Variants in UBE2G2 observed in about 807,000 individuals in gnomAD.
UBE2G2 encodes the protein ubiquitin-conjugating enzyme E2 G2.
A neutral mutation model predicts 23.0 loss-of-function variants in UBE2G2; 10 were observed. The ratio of observed to expected loss-of-function variants is 0.43; its 90% CI spans 0.27 to 0.74. The LOEUF (loss-of-function observed/expected upper bound fraction) is 0.74. UBE2G2 is among the 30% of genes least tolerant of loss of function. UBE2G2 has a pLI of 0.19. For missense variants in UBE2G2, 150 were observed against 218.3 expected (o/e 0.69, Z 1.97); for synonymous variants, 86 against 81.3 (o/e 1.06, Z -0.31).
intron 3 of UBE2G2, 148 bp from the exon 4 acceptor site, chr21:44,777,565 T>C (rs1362037226): frequency 2.7e-6 from 2 of 738,784 alleles, no homozygotes; most frequent in African/African-American, 1.8e-5. Flanking sequence ...CCCAGCACTT[T>C]GGAAGGCCGA....
chr21:44,777,286 CA>C lies in UBE2G2; in HGVS notation c.244+12del. The C allele has an allele frequency of 6.2e-7, 1 of 1,611,856 alleles. No individual in the cohort carries two copies. Among genetic ancestry groups the C allele is most frequent in the East Asian group, 2.2e-5 (1 of 44,862 alleles). On this transcript the variant is annotated intron_variant, in intron 4 of 5. Transcript: ENST00000345496. ...ATCCTGGTACCACAAAAACTACTTC[CA>C]AAAGCACTTACTGTTGGGATGAAAC...
rs377014287 is a variant in UBE2G2, at chr21:44,797,363, G to A, written c.43+4343C>T. Reference sequence around the variant, plus strand: ...TGCAAGTTCAACAATGCAAAGACTGGCCTGAAGCAGCAGCCTGAACTTAAT... The same window carrying A: ...TGCAAGTTCAACAATGCAAAGACTGACCTGAAGCAGCAGCCTGAACTTAAT... On this transcript the variant is annotated intron_variant, in intron 1 of 5. Coordinates refer to ENST00000345496, the MANE Select transcript of UBE2G2 (RefSeq NM_003343.6). 9.2e-5 allele frequency among the ~76,000 whole-genome samples: 14 copies of A among 152,314 alleles called. No homozygotes were observed. In the East Asian group the frequency reaches 2.3e-3, roughly 25 times the overall value.
rs2082854040 is a variant in UBE2G2 at position 44,769,380 on chromosome 21, T to A, written c.*1997A>T. On this transcript the variant is annotated 3_prime_UTR_variant, in exon 6 of 6. Transcript: ENST00000345496. ...TACGAGTTCTTGCCCTGCGTTCCAT[T>A]TTTTTTTTTTTTTTTTTTGAGACAG... 6.9e-6 allele frequency: 1 copy of A among 145,346 alleles called. No individual in the cohort carries two copies. The highest frequency in any genetic ancestry group is 1.5e-5 in the Non-Finnish European group (1 of 66,254). 9.0% of individuals were successfully genotyped at this position (145,346 alleles called of 1,614,324 possible). A position where few individuals can be genotyped will look rare whatever the true frequency, so the allele number is the denominator to read the frequency against.
At position 44,769,378 on chromosome 21, in the gene UBE2G2, ATTTTTTTTT is replaced by A. The variant is rs35406176; in HGVS notation, c.*1990_*1998del. 8.5e-6 allele frequency: 1 copy of A among 117,498 alleles called. No individual in the cohort carries two copies. Among genetic ancestry groups the A allele is most frequent in the Non-Finnish European group, 1.7e-5 (1 of 58,716 alleles). 7.3% of individuals were successfully genotyped at this position (117,498 alleles called of 1,614,324 possible). ...AATACGAGTTCTTGCCCTGCGTTCC[ATTTTTTTTT>A]TTTTTTTTTTTGAGACAGAGTCTCA... On this transcript the variant is annotated 3_prime_UTR_variant, in exon 6 of 6. Transcript: ENST00000345496.
intron 3 of UBE2G2, among the ~76,000 whole-genome samples, chr21:44,785,500 A>G (rs2082989320): frequency 6.6e-6 from 1 of 152,220 alleles, no homozygotes; most frequent in South Asian, 2.1e-4. Context: ...TGTTGCTTAG[A>G]TATCTAAAAT....
At chr21:44,780,326 C>T (rs2082946431) in intron 3 of UBE2G2, among the ~76,000 whole-genome samples, 1 of 152,226 alleles carries the variant, frequency 6.6e-6, no homozygotes, top group Non-Finnish European at 1.5e-5. Flanking sequence ...AGGCAACTCC[C>T]GAGCCAGGAG....
intron 1 of UBE2G2, among the ~76,000 whole-genome samples, chr21:44,797,714 C>CAAAAAAAAAAA (rs60369865): frequency 7.6e-5 from 3 of 39,320 alleles, no homozygotes; most frequent in African/African-American, 3.4e-4. Flanking sequence ...AACTCCGTCT[C>CAAAAAAAAAAA]AAAAAAAAAA....
intron 1 of UBE2G2, 193 bp downstream of exon 1, chr21:44,801,513 T>G (rs782196701): frequency 1.6e-5 from 17 of 1,092,228 alleles, no homozygotes; most frequent in Non-Finnish European, 2.0e-5. Flanking sequence ...GGAAGGCTTC[T>G]CTTCACGACT....
chr21:44,785,470 T>C (rs952855607), intron 3 of UBE2G2, among the ~76,000 whole-genome samples: 3 of 152,220 alleles, frequency 2.0e-5, no homozygotes, highest in Admixed American at 6.5e-5. Context: ...GGCCCTAACA[T>C]ATCAAAGGCA....
intron 3 of UBE2G2, among the ~76,000 whole-genome samples, chr21:44,782,638 T>C (rs1319669523): frequency 1.3e-5 from 2 of 152,188 alleles, no homozygotes; most frequent in Non-Finnish European, 2.9e-5. Context: ...AATCCTTGCA[T>C]TTATAGTCAA....
intron 4 of UBE2G2, chr21:44,774,668 T>G (rs901530927): frequency 9.2e-5 from 42 of 455,274 alleles, no homozygotes; most frequent in Admixed American, 7.3e-4. Flanking sequence ...ATCCAGGAAC[T>G]GAACCACAAC....
intron 1 of UBE2G2, among the ~76,000 whole-genome samples, chr21:44,799,551 C>T (rs2083119097): frequency 6.6e-6 from 1 of 152,232 alleles, no homozygotes; most frequent in South Asian, 2.1e-4. Context: ...TTTTCTTCTG[C>T]AGCTTCCTCA....
At chr21:44,781,220 G>A (rs1434217086) in intron 3 of UBE2G2, among the ~76,000 whole-genome samples, 1 of 152,234 alleles carries the variant, frequency 6.6e-6, no homozygotes, top group African/African-American at 2.4e-5. Flanking sequence ...CTGAGCTGGA[G>A]ACGGGAAGGG....
chr21:44,792,023 C>T (rs1450140593), intron 1 of UBE2G2, among the ~76,000 whole-genome samples: 1 of 152,234 alleles, frequency 6.6e-6, no homozygotes, highest in Non-Finnish European at 1.5e-5. Flanking sequence ...TTCGGACTTG[C>T]ATGGGGGCCT....
chr21:44,795,588 C>T (rs13433413), intron 1 of UBE2G2, among the ~76,000 whole-genome samples: 30,883 of 151,328 alleles, frequency 0.2, 4,275 homozygotes, highest in East Asian at 0.57. Context: ...GCCATGACTA[C>T]ACCACTGCAC....
Position 44,792,209 on chromosome 21 carries a change from C to T in UBE2G2, c.44-4114G>A, listed in dbSNP as rs971453110. Among the ~76,000 whole-genome samples the T allele has an allele frequency of 3.3e-5, 5 of 152,032 alleles. No homozygotes were observed. In the South Asian group the frequency reaches 6.2e-4, roughly 19 times the overall value. ...TGGACTTGGACTTTTGAGTTAATGACGAAATGAGTTAAGACTTTGGGGGCC... is the reference window on the plus strand; with the variant it reads ...TGGACTTGGACTTTTGAGTTAATGATGAAATGAGTTAAGACTTTGGGGGCC... On this transcript the variant is annotated intron_variant, in intron 1 of 5. Transcript: ENST00000345496.
rs143645570 is a variant in UBE2G2 at position 44,771,659 on chromosome 21, C to T, written c.386-170G>A. 5.8e-4 allele frequency among the ~76,000 whole-genome samples: 89 copies of T among 152,254 alleles called. 1 individual carries two copies. Among genetic ancestry groups the T allele is most frequent in the African/African-American group, 1.3e-3 (53 of 41,524 alleles). On this transcript the variant is annotated intron_variant, in intron 5 of 5. Transcript: ENST00000345496. This position sits in a 1 kb window ranked among gnomAD's most constrained non-coding sequence, Gnocchi z 4.6. The stretch of plus-strand genomic sequence containing the variant: ...GGCCCCACCTCTAGAGTGCTGGCCA[C>T]GCAGGTCTCAACGAAAGCCACTCTC...
chr21:44,794,274 T>C (rs2083067925), intron 1 of UBE2G2, among the ~76,000 whole-genome samples: 1 of 152,226 alleles, frequency 6.6e-6, no homozygotes, highest in South Asian at 2.1e-4. Context: ...GCAAACACAG[T>C]GCTGAAACAA....
At chr21:44,787,484 A>G (rs1555962257) in intron 3 of UBE2G2, among the ~76,000 whole-genome samples, 2 of 152,206 alleles carry the variant, frequency 1.3e-5, no homozygotes, top group African/African-American at 4.8e-5. Context: ...GTCCTGGCCC[A>G]AAGGCAGGGC....
Sources: gnomAD v4.1 joint callset for allele counts (sites outside exome capture counted in the v4.1 genomes callset) on GRCh38, gnomAD v4.1.1 for gene constraint, Gnocchi (gnomAD v3.1) non-coding constraint, MANE v1.5 for transcripts, NCBI Gene and HGNC (gene_info 2026-07-23, HGNC 2026-07-21) for gene names.